The following SMCHD1 variants were observed in gnomAD, a reference collection of about 807,000 sequenced individuals.
SMCHD1 encodes structural maintenance of chromosomes flexible hinge domain containing 1.
A neutral mutation model predicts 254.7 loss-of-function variants in SMCHD1; 78 were observed. That is an observed-to-expected ratio of 0.31 (90% CI 0.26 to 0.37). The LOEUF (loss-of-function observed/expected upper bound fraction) is 0.37. Ranked by LOEUF, SMCHD1 falls within the 10% of genes least tolerant of loss-of-function variation. The pLI is 1.00. For missense variants in SMCHD1, 1,840 were observed against 2,408.1 expected (o/e 0.76, Z 4.94); for synonymous variants, 766 against 794.9 (o/e 0.96, Z 0.61).
intron 5 of SMCHD1, among the ~76,000 whole-genome samples, chr18:2,682,370 A>G (rs979468341): frequency 9.5e-5 from 14 of 146,816 alleles, no homozygotes; most frequent in Non-Finnish European, 2.1e-4. Context: ...TCTCAGCCCC[A>G]GGCTGGAGTG....
rs1391354425 is a variant in SMCHD1 at position 2,661,984 on chromosome 18, C to T, written c.187-4173C>T. 2.3e-3 allele frequency among the ~76,000 whole-genome samples: 265 copies of T among 113,150 alleles called. 2 individuals carry two copies. The highest frequency in any genetic ancestry group is 0.018 in the East Asian group (73 of 4,114). The allele number at this position is 113,150 out of a possible 152,430, so 74.2% of individuals were successfully genotyped here. A position where few individuals can be genotyped will look rare whatever the true frequency, so the allele number is the denominator to read the frequency against. ...ATCCTGGCTAACAAGGTGAAACCCCCGTCTCTACTAAAAAAATACAAAAAA... is the reference window on the plus strand; with the variant it reads ...ATCCTGGCTAACAAGGTGAAACCCCTGTCTCTACTAAAAAAATACAAAAAA... On this transcript the variant is annotated intron_variant, in intron 1 of 47. Coordinates refer to ENST00000320876, the MANE Select transcript of SMCHD1 (RefSeq NM_015295.3).
chr18:2,770,696 C>T (rs1179579858), intron 39 of SMCHD1, among the ~76,000 whole-genome samples: 4 of 152,106 alleles, frequency 2.6e-5, no homozygotes, highest in Non-Finnish European at 5.9e-5. Flanking sequence ...ATCTCACTCA[C>T]TGCACCCTCT....
intron 4 of SMCHD1, 101 bp downstream of exon 4, chr18:2,673,464 A>G: frequency 1.1e-6 from 1 of 887,634 alleles, no homozygotes; most frequent in Non-Finnish European, 1.6e-6. Context: ...CTAAAAGTAG[A>G]AATAATTGTC....
In SMCHD1 at chr18:2,666,449, C is replaced by T. The variant is rs557562456; in HGVS notation, c.262+217C>T. On this transcript the variant is annotated intron_variant, in intron 2 of 47. Transcript: ENST00000320876. ...AAATAGTTGATATCAGTTATGGCTA[C>T]AGAAGATGATTCTGCCTAGCACAAA... Among the ~76,000 whole-genome samples the T allele has an allele frequency of 2.3e-4, 35 of 152,314 alleles. 1 individual carries two copies. The East Asian group carries it at 6.7e-3, about 29-fold the overall frequency.
chr18:2,738,373 G>T, intron 25 of SMCHD1, 24 bp from the exon 26 acceptor site: 3 of 1,551,138 alleles, frequency 1.9e-6, no homozygotes, highest in Non-Finnish European at 2.6e-6. Flanking sequence ...CTTTATTATT[G>T]TTAAATATCT....
Position 2,656,224 on chromosome 18 carries a change from G to T in SMCHD1, c.149G>T (p.Arg50Leu). 4 of 1,503,580 alleles carry T rather than the reference G, an allele frequency of 2.7e-6. No homozygotes were observed. Among genetic ancestry groups the T allele is most frequent in the Non-Finnish European group, 3.5e-6 (4 of 1,134,826 alleles). The allele number at this position is 1,503,580 out of a possible 1,614,324, so 93.1% of individuals were successfully genotyped here. ...LGDRPLQVGERSDYAGFRACV... is the reference protein window; with the variant it reads ...LGDRPLQVGELSDYAGFRACV... The stretch of plus-strand genomic sequence containing the variant: ...GACCGGCCTCTGCAGGTCGGGGAGC[G>T]CTCGGACTACGCGGGATTTCGCGCG... Residue 50 changes from arginine (R) to leucine (L), a missense_variant, in exon 1 of 48, where the codon CGC becomes CTC. Coordinates refer to ENST00000320876, the MANE Select transcript of SMCHD1 (RefSeq NM_015295.3).
At chr18:2,750,636 TATC>T (rs1289347464) in intron 32 of SMCHD1, 129 bp downstream of exon 32, 1 of 682,658 alleles carries the variant, frequency 1.5e-6, no homozygotes, top group Non-Finnish European at 2.3e-6. Flanking sequence ...ATGATTTCAA[TATC>T]ATGTTGCAGA....
At chr18:2,779,623 G>A (rs1166876022) in intron 44 of SMCHD1, among the ~76,000 whole-genome samples, 3 of 152,114 alleles carry the variant, frequency 2.0e-5, no homozygotes, top group African/African-American at 2.4e-5. Flanking sequence ...GATCTAGGAC[G>A]AGTGAGAATA....
chr18:2,717,862 G>A (rs534894183), intron 17 of SMCHD1, among the ~76,000 whole-genome samples: 17 of 152,032 alleles, frequency 1.1e-4, no homozygotes, highest in South Asian at 2.1e-4. Context: ...AATAAATAAG[G>A]AATTTTTTGG....
chr18:2,706,771 C>A (rs2074524578), intron 15 of SMCHD1, among the ~76,000 whole-genome samples: 1 of 152,120 alleles, frequency 6.6e-6, no homozygotes, highest in Non-Finnish European at 1.5e-5. Context: ...TATTACAATA[C>A]CTGCTGAGAG....
intron 45 of SMCHD1, 109 bp from the exon 46 acceptor site, chr18:2,795,840 T>TCC: frequency 1.3e-6 from 1 of 782,570 alleles, no homozygotes. Context: ...TAAAAGTAGA[T>TCC]CCCCTATGTT....
At chr18:2,727,149 G>GTAC (rs1237935102) in intron 22 of SMCHD1, 2 of 152,118 alleles carry the variant, frequency 1.3e-5, no homozygotes, top group African/African-American at 4.8e-5. Flanking sequence ...CAGTTCTGTA[G>GTAC]TACTCAATGG....
chr18:2,725,049 G>T, intron 21 of SMCHD1, 54 bp downstream of exon 21: 1 of 1,066,952 alleles, frequency 9.4e-7, no homozygotes, highest in South Asian at 2.0e-5. Flanking sequence ...TTTATCATAT[G>T]GTAAGAATGA....
rs118106532 is a variant in SMCHD1 at position 2,761,065 on chromosome 18, A to G, written c.4434+326A>G. On this transcript the variant is annotated intron_variant, in intron 35 of 47. Transcript: ENST00000320876. ...CAACCATGCATGAAAAATATTAGTA[A>G]TATTTCACACAGCCATAACAAGAGA... is the stretch of plus-strand genomic sequence containing the variant. Among the ~76,000 whole-genome samples the G allele has an allele frequency of 1.1e-4, 16 of 152,314 alleles. No homozygotes were observed. In the East Asian group the frequency reaches 2.9e-3, roughly 28 times the overall value.
At position 2,747,443 on chromosome 18, in the gene SMCHD1, C is replaced by T. The variant is rs543384228; in HGVS notation, c.3802-79C>T. The T allele has an allele frequency of 4.0e-5, 49 of 1,235,470 alleles. No individual in the cohort carries two copies. The South Asian group carries it at 6.0e-4, about 15-fold the overall frequency. The allele number at this position is 1,235,470 out of a possible 1,614,324, so 76.5% of individuals were successfully genotyped here. A position where few individuals can be genotyped will look rare whatever the true frequency, so the allele number is the denominator to read the frequency against. ...ATAGAACAGAGATAAATTAAGTGAT[C>T]GTTACACAAATATACAAGTAATTGC... On this transcript the variant is annotated intron_variant, in intron 29 of 47. Transcript: ENST00000320876.
chr18:2,762,052 A>T, intron 35 of SMCHD1, 53 bp from the exon 36 acceptor site: 1 of 1,490,862 alleles, frequency 6.7e-7, no homozygotes, highest in Non-Finnish European at 9.2e-7. Context: ...CTTCCTCTTA[A>T]ATGCTAAAGC....
At chr18:2,776,500 C>T (rs969280034) in intron 42 of SMCHD1, among the ~76,000 whole-genome samples, 6 of 152,076 alleles carry the variant, frequency 3.9e-5, no homozygotes, top group Non-Finnish European at 8.8e-5. Context: ...TGAGTCACTG[C>T]ACCCAGCCCC....
At chr18:2,732,919 T>A (rs2075170905) in intron 25 of SMCHD1, among the ~76,000 whole-genome samples, 3 of 152,174 alleles carry the variant, frequency 2.0e-5, no homozygotes, top group Non-Finnish European at 4.4e-5. Flanking sequence ...CATTGGAAAT[T>A]ATTGAAATTG....
intron 17 of SMCHD1, among the ~76,000 whole-genome samples, chr18:2,710,196 A>C (rs761618904): frequency 2.6e-4 from 40 of 152,348 alleles, no homozygotes; most frequent in Non-Finnish European, 4.4e-4. Context: ...GTTGAAAGTC[A>C]GTTGACCACA....
Sources: gnomAD v4.1 joint callset for allele counts (sites outside exome capture counted in the v4.1 genomes callset) on GRCh38, gnomAD v4.1.1 for gene constraint, MANE v1.5 for transcripts, NCBI Gene and HGNC (gene_info 2026-07-23, HGNC 2026-07-21) for gene names.